The following MMP2 variants were observed in gnomAD, a reference collection of about 807,000 sequenced individuals.
MMP2 encodes 72 kDa type IV collagenase.
A neutral mutation model predicts 74.8 loss-of-function variants in MMP2; 39 were observed. The ratio of observed to expected loss-of-function variants is 0.52; its 90% confidence interval spans 0.40 to 0.68. The LOEUF (loss-of-function observed/expected upper bound fraction) is 0.68. Ranked by LOEUF, MMP2 falls within the 30% of genes least tolerant of loss-of-function variation. The probability of loss-of-function intolerance (pLI) is 0.00; values close to 1 mark genes in which losing one functional copy is unlikely to be tolerated. For missense variants in MMP2, 803 were observed against 878.3 expected, an observed-to-expected ratio of 0.91 and a Z score of 1.08; for synonymous variants, 367 against 339.8, an observed-to-expected ratio of 1.08 and a Z score of -0.88.
At chr16:55,489,566 C>A (rs866637297) in intron 6 of MMP2, 85 bp from the exon 7 acceptor site, 16 of 1,524,842 alleles carry the variant, frequency 1.0e-5, no homozygotes, top group African/African-American at 4.1e-5. Context: ...AGGTGTGGTT[C>A]ATTAAGGTCA....
At chr16:55,485,208 G>A in intron 3 of MMP2, 91 bp from the exon 4 acceptor site, 1 of 1,576,322 alleles carries the variant, frequency 6.3e-7, no homozygotes, top group South Asian at 1.1e-5. Context: ...GATGCTGGGT[G>A]GGCTGACAGG....
chr16:55,485,058 T>A (rs1322685228), intron 3 of MMP2, among the ~76,000 whole-genome samples: 1 of 151,542 alleles, frequency 6.6e-6, no homozygotes, highest in East Asian at 1.9e-4. Flanking sequence ...ACAATGGAGG[T>A]AGAGGGTATG....
chr16:55,499,654 C>T (rs1197068972), intron 11 of MMP2, among the ~76,000 whole-genome samples: 5 of 152,178 alleles, frequency 3.3e-5, no homozygotes, highest in Admixed American at 2.6e-4. Context: ...TAATTCTTCA[C>T]ACTTTCTAGA....
rs1200577053 is a variant in MMP2, at chr16:55,484,264, TTAGA to T, written c.529+104_529+107del. 7.8e-6 allele frequency: 11 copies of T among 1,404,934 alleles called. No homozygotes were observed. The African/African-American group carries it at 1.6e-4, about 20-fold the overall frequency. The allele number at this position is 1,404,934 out of a possible 1,614,324, so 87.0% of individuals were successfully genotyped here. ...GGGGCGTGGGGATCCTAAGGGCGGC[TTAGA>T]TAGGACAGTAGATGGTGTGGGCCCT... is the stretch of plus-strand genomic sequence containing the variant. On this transcript the variant is annotated intron_variant, in intron 3 of 12. Transcript: ENST00000219070.
Position 55,499,575 on chromosome 16 carries a change from T to C in MMP2, c.1769+1127T>C, listed in dbSNP as rs562007445. 3.3e-5 allele frequency among the ~76,000 whole-genome samples: 5 copies of C among 152,248 alleles called. No homozygotes were observed. The South Asian group carries it at 6.2e-4, about 19-fold the overall frequency. On this transcript the variant is annotated intron_variant, in intron 11 of 12. Transcript: ENST00000219070. ...AGGGTCCAGTTCTGAGGGGCTATAG[T>C]CATGACCAGGGAACCTAATATCCAG...
In MMP2 at chr16:55,485,614, G is replaced by T; in HGVS notation, c.669G>T (p.Val223=). The change falls in exon 5 of 13, where the codon GTG becomes GTT. Residue 223 remains valine (V), a synonymous_variant. Transcript: ENST00000219070. ...WTLGEGQVVR[V]KYGNADGEYC... is the part of the protein sequence containing the mutation. ...CATGTCACTCTTTAGTGGTCCGTGT[G>T]AAGTATGGGAACGCCGATGGGGAGT... 6.2e-7 allele frequency: 1 copy of T among 1,614,156 alleles called. No individual in the cohort carries two copies. The highest frequency in any genetic ancestry group is 8.5e-7 in the Non-Finnish European group (1 of 1,180,016).
intron 12 of MMP2, among the ~76,000 whole-genome samples, chr16:55,503,748 AGCAG>A (rs1962727124): frequency 6.6e-6 from 1 of 152,202 alleles, no homozygotes; most frequent in Non-Finnish European, 1.5e-5. Flanking sequence ...AAATGAGTAA[AGCAG>A]GCAGGGGCAG....
chr16:55,483,167 A>T (rs751864411), intron 2 of MMP2, 32 bp downstream of exon 2: 14 of 1,578,156 alleles, frequency 8.9e-6, no homozygotes, highest in Non-Finnish European at 1.2e-5. Flanking sequence ...AGGCAGGGCC[A>T]TGGGGCTGAG....
rs1962359194 is a variant in MMP2, at chr16:55,489,818, G to T, written c.1174G>T (p.Asp392Tyr). 6.2e-7 allele frequency: 1 copy of T among 1,613,970 alleles called. No individual in the cohort carries two copies. Among genetic ancestry groups the T allele is most frequent in the Non-Finnish European group, 8.5e-7 (1 of 1,179,976 alleles). The change falls in exon 7 of 13, where the codon GAC becomes TAC. Residue 392 changes from aspartate to tyrosine, a missense_variant. By Grantham distance (160) the Asp-to-Tyr change is radical. Coordinates refer to ENST00000219070, the MANE Select transcript of MMP2 (RefSeq NM_004530.6). ...DDDRKWGFCP[D>Y]QGYSLFLVAA... Reference sequence around the variant, plus strand: ...TGACCGCAAGTGGGGCTTCTGCCCTGACCAAGGTACGAGGCCCTGGTCATT... The same window carrying T: ...TGACCGCAAGTGGGGCTTCTGCCCTTACCAAGGTACGAGGCCCTGGTCATT...
At chr16:55,487,046 C>A (rs1281405256) in intron 5 of MMP2, 1 of 152,184 alleles carries the variant, frequency 6.6e-6, no homozygotes, top group Non-Finnish European at 1.5e-5. Flanking sequence ...TTGTATCTTG[C>A]GTTTCCCGGT....
intron 9 of MMP2, among the ~76,000 whole-genome samples, chr16:55,495,231 A>G (rs1962503674): frequency 6.6e-6 from 1 of 152,208 alleles, no homozygotes; most frequent in Admixed American, 6.5e-5. Context: ...AGGATCTGGC[A>G]ATGTGCTTCA....
At position 55,491,825 on chromosome 16, in the gene MMP2, C is replaced by CCCA. The variant is rs1179888660; in HGVS notation, c.1207_1209dup (p.His403dup). On this transcript the variant is annotated inframe_insertion, in exon 8 of 13. Coordinates refer to ENST00000219070, the MANE Select transcript of MMP2 (RefSeq NM_004530.6). Reference sequence around the variant, plus strand: ...GGGTACAGCCTGTTCCTCGTGGCAGCCCACGAGTTTGGCCACGCCATGGGG... The same window carrying CCCA: ...GGGTACAGCCTGTTCCTCGTGGCAGCCCACCACGAGTTTGGCCACGCCATGGGG... 6.2e-7 allele frequency: 1 copy of CCCA among 1,614,224 alleles called. No homozygotes were observed. Among genetic ancestry groups the CCCA allele is most frequent in the East Asian group, 2.2e-5 (1 of 44,870 alleles).
At chr16:55,481,587 A>G in intron 1 of MMP2, 1 of 409,554 alleles carries the variant, frequency 2.4e-6, no homozygotes, top group Admixed American at 4.2e-5. Context: ...GGAATGAAGC[A>G]CAGCAGGTCT....
intron 8 of MMP2, among the ~76,000 whole-genome samples, chr16:55,492,426 ATTATTTATTTATTTAT>A (rs3996855): frequency 0.015 from 2,156 of 143,480 alleles, 55 homozygotes; most frequent in African/African-American, 0.05. Context: ...CCTTAAGCCA[ATTATTTATTTATTTAT>A]TTATTTATTT....
chr16:55,485,545 C>T, intron 4 of MMP2, 59 bp from the exon 5 acceptor site: 2 of 1,611,930 alleles, frequency 1.2e-6, no homozygotes, highest in Non-Finnish European at 1.7e-6. Flanking sequence ...GAGTCAGAAT[C>T]TTGGTCTCCA....
intron 3 of MMP2, among the ~76,000 whole-genome samples, 186 bp downstream of exon 3, chr16:55,484,350 G>A (rs571751965): frequency 6.6e-6 from 1 of 152,242 alleles, no homozygotes; most frequent in South Asian, 2.1e-4. Context: ...GAGCCACGTT[G>A]ACATGGGGGC....
chr16:55,498,238 T>C (rs1324121959), intron 10 of MMP2, 51 bp from the exon 11 acceptor site: 1 of 1,609,394 alleles, frequency 6.2e-7, no homozygotes, highest in Non-Finnish European at 8.5e-7. Context: ...AGGAACAGGC[T>C]GGCCTAGGGC....
intron 2 of MMP2, 139 bp from the exon 3 acceptor site, chr16:55,483,877 G>A (rs375871442): frequency 1.6e-5 from 14 of 870,012 alleles, no homozygotes; most frequent in East Asian, 2.5e-5. Flanking sequence ...CACCCTTCCC[G>A]TGCTTGTGCA....
At position 55,481,407 on chromosome 16, in the gene MMP2, G is replaced by A. The variant is rs17859847; in HGVS notation, c.154-1502G>A. Reference sequence around the variant, plus strand: ...TTAGCATATAATGAGCAGTGAGGACGACTAGAGGTCACTTTCATTGCAGTC... The same window carrying A: ...TTAGCATATAATGAGCAGTGAGGACAACTAGAGGTCACTTTCATTGCAGTC... On this transcript the variant is annotated intron_variant, in intron 1 of 12. Coordinates refer to ENST00000219070, the MANE Select transcript of MMP2 (RefSeq NM_004530.6). The A allele has an allele frequency of 5.0e-4, 80 of 160,520 alleles. 1 individual carries two copies. Among genetic ancestry groups the A allele is most frequent in the African/African-American group, 1.6e-3 (65 of 41,836 alleles). 9.9% of individuals were successfully genotyped at this position (160,520 alleles called of 1,614,324 possible).
Sources: gnomAD v4.1 joint callset for allele counts (sites outside exome capture counted in the v4.1 genomes callset) on GRCh38, gnomAD v4.1.1 for gene constraint, MANE v1.5 for transcripts, NCBI Gene and HGNC (gene_info 2026-07-23, HGNC 2026-07-21) for gene names.